TTC6: variants seen among roughly 807,000 people sequenced by gnomAD.
TTC6 encodes the protein tetratricopeptide repeat protein 6.
Under a neutral mutation model 210.4 loss-of-function variants are expected in TTC6, and 172 were observed. That is an observed-to-expected ratio of 0.82 (90% CI 0.72 to 0.93). The LOEUF (loss-of-function observed/expected upper bound fraction) is 0.93, where lower values mean the gene tolerates loss of function less well. Ranked by LOEUF, TTC6 falls within the 40% of genes least tolerant of loss-of-function variation. TTC6 has a pLI of 0.00. For synonymous variants in TTC6, 804 were observed against 819.6 expected (o/e 0.98, Z 0.32); for missense variants, 2,414 against 2,318.1 (o/e 1.04, Z -0.85).
intron 2 of TTC6, among the ~76,000 whole-genome samples, chr14:37,609,861 G>A (rs977874282): frequency 3.9e-5 from 6 of 152,112 alleles, no homozygotes; most frequent in African/African-American, 1.2e-4. Flanking sequence ...GGCCTGAAGC[G>A]GCTACTCCTA....
chr14:37,630,041 T>C (rs2095666688), intron 1 of TTC6, among the ~76,000 whole-genome samples: 1 of 152,192 alleles, frequency 6.6e-6, no homozygotes, highest in African/African-American at 2.4e-5. Flanking sequence ...CCTGGATTCA[T>C]TGATTTTTTT....
At position 37,655,397 on chromosome 14, in the gene TTC6, C is replaced by T. The variant is rs1462036437; in HGVS notation, c.940-24754C>T. 5.3e-5 allele frequency among the ~76,000 whole-genome samples: 8 copies of T among 152,042 alleles called. No individual in the cohort carries two copies. In the East Asian group the frequency reaches 1.5e-3, roughly 29 times the overall value. Reference sequence around the variant, plus strand: ...TTCCAGCAGTTTGAGAATAAAACTTCGTGTTTTAATTTCTGTATTGCTACT... The same window carrying T: ...TTCCAGCAGTTTGAGAATAAAACTTTGTGTTTTAATTTCTGTATTGCTACT... On this transcript the variant is annotated intron_variant, in intron 1 of 30. Transcript: ENST00000553443.
At chr14:37,744,446 A>G (rs2095929963) in intron 10 of TTC6, among the ~76,000 whole-genome samples, 1 of 152,200 alleles carries the variant, frequency 6.6e-6, no homozygotes, top group Admixed American at 6.5e-5. Flanking sequence ...ACTGAATGGA[A>G]TGAGGGAGTG....
At chr14:37,627,477 C>T (rs530207680) in intron 1 of TTC6, among the ~76,000 whole-genome samples, 12 of 151,782 alleles carry the variant, frequency 7.9e-5, no homozygotes, top group East Asian at 3.9e-4. Context: ...TGACAGGCCC[C>T]GCTGTGTGAT....
At chr14:37,779,774 CA>C (rs1244615076) in intron 14 of TTC6, among the ~76,000 whole-genome samples, 6 of 152,060 alleles carry the variant, frequency 3.9e-5, no homozygotes, top group African/African-American at 1.4e-4. Flanking sequence ...AGGAAGGGAT[CA>C]AATTAGTTGG....
chr14:37,743,150 G>C (rs1053014301), intron 10 of TTC6, among the ~76,000 whole-genome samples: 7 of 152,148 alleles, frequency 4.6e-5, no homozygotes, highest in South Asian at 2.1e-4. Context: ...ATTTACTCCG[G>C]TTCCTCCAAA....
At chr14:37,658,515 G>A (rs762587129) in intron 1 of TTC6, among the ~76,000 whole-genome samples, 4 of 152,158 alleles carry the variant, frequency 2.6e-5, no homozygotes, top group African/African-American at 4.8e-5. Flanking sequence ...GTAGCTGGGA[G>A]CTGAATAATG....
intron 1 of TTC6, among the ~76,000 whole-genome samples, chr14:37,638,342 C>T (rs35333548): frequency 0.056 from 8,475 of 152,190 alleles, 363 homozygotes; most frequent in Non-Finnish European, 0.087. Flanking sequence ...GCAACCTCTG[C>T]CTCCTGGGTT....
intron 1 of TTC6, 126 bp downstream of exon 3, chr14:37,623,129 C>A: frequency 1.5e-6 from 1 of 650,618 alleles, no homozygotes; most frequent in Non-Finnish European, 2.4e-6. Context: ...AACACAAAAA[C>A]ACTGGGGTGT....
At chr14:37,799,253 A>T (rs17107116) in intron 20 of TTC6, among the ~76,000 whole-genome samples, 1 of 152,160 alleles carries the variant, frequency 6.6e-6, no homozygotes, top group African/African-American at 2.4e-5. Flanking sequence ...TTCCATAAGC[A>T]TTTAATCATG....
intron 27 of TTC6, among the ~76,000 whole-genome samples, chr14:37,825,859 C>T (rs1377009889): frequency 6.6e-6 from 1 of 152,056 alleles, no homozygotes; most frequent in African/African-American, 2.4e-5. Context: ...TATGTGTGTG[C>T]AGCTCAATGC....
In TTC6 at chr14:37,841,674, C is replaced by T. The variant is rs773400137; in HGVS notation, c.5524+4C>T. 137 of 1,589,288 alleles carry T rather than the reference C, an allele frequency of 8.6e-5. No homozygotes were observed. Among genetic ancestry groups the T allele is most frequent in the Middle Eastern group, 3.3e-4 (2 of 6,032 alleles). On this transcript the variant is annotated splice_donor_region_variant and intron_variant, in intron 30 of 30. Coordinates refer to ENST00000553443, the Ensembl canonical transcript of TTC6. ...GCTGAGGAAGACCTTAATAAAGGTA[C>T]ACTTTTGGTAATTATTCTGGTAAGA...
intron 10 of TTC6, among the ~76,000 whole-genome samples, chr14:37,748,559 A>G (rs2095942763): frequency 6.6e-6 from 1 of 150,842 alleles, no homozygotes; most frequent in African/African-American, 2.4e-5. Flanking sequence ...CCACTGCCTC[A>G]AGTTCATGTC....
At chr14:37,820,936 C>T (rs1230946024) in intron 26 of TTC6, among the ~76,000 whole-genome samples, 35 of 146,228 alleles carry the variant, frequency 2.4e-4, no homozygotes, top group Admixed American at 2.3e-3. Context: ...TCTTCTCCTC[C>T]TCCTTCTTCT....
At chr14:37,631,810 C>A (rs1441075053) in intron 1 of TTC6, among the ~76,000 whole-genome samples, 1 of 152,072 alleles carries the variant, frequency 6.6e-6, no homozygotes, top group Admixed American at 6.6e-5. Context: ...TTTGTTCATT[C>A]CTTTTCATTC....
intron 1 of TTC6, among the ~76,000 whole-genome samples, chr14:37,666,172 T>C (rs2095747553): frequency 6.7e-6 from 1 of 150,184 alleles, no homozygotes; most frequent in Admixed American, 6.6e-5. Flanking sequence ...CTGTGGTCCT[T>C]CCAGCACCCT....
chr14:37,697,572 A>G (rs1467224301), intron 4 of TTC6, among the ~76,000 whole-genome samples: 2 of 152,130 alleles, frequency 1.3e-5, no homozygotes, highest in African/African-American at 4.8e-5. Flanking sequence ...GACATGGAAG[A>G]CAGCCTTTTT....
chr14:37,839,987 G>A (rs1266494414), intron 29 of TTC6, among the ~76,000 whole-genome samples: 1 of 152,108 alleles, frequency 6.6e-6, no homozygotes, highest in South Asian at 2.1e-4. Flanking sequence ...TGAGGCCTCT[G>A]TTCTGTTCCA....
chr14:37,680,010 C>T, intron 1 of TTC6, 141 bp from the exon 4 acceptor site: 1 of 552,414 alleles, frequency 1.8e-6, no homozygotes, highest in Non-Finnish European at 3.2e-6. Flanking sequence ...TTTCTTTATT[C>T]ATTTACCATG....
Sources: allele counts gnomAD v4.1 joint callset (sites outside exome capture counted in the v4.1 genomes callset), GRCh38; gene constraint gnomAD v4.1.1; transcripts MANE v1.5; gene names NCBI Gene and HGNC (gene_info 2026-07-23, HGNC 2026-07-21).